The following TTLL5 variants were observed in gnomAD, a reference collection of about 807,000 sequenced individuals.
TTLL5 encodes tubulin tyrosine ligase like 5.
In TTLL5, 132 loss-of-function variants were observed where a neutral mutation model predicts 168.4. The ratio of observed to expected loss-of-function variants is 0.78; its 90% CI spans 0.68 to 0.91. TTLL5 has a LOEUF of 0.91. Among genes scored for constraint, TTLL5 ranks in the 40% least tolerant of loss-of-function variants. The probability of loss-of-function intolerance (pLI) is 0.00; values close to 1 mark genes in which losing one functional copy is unlikely to be tolerated. For synonymous variants in TTLL5, 546 were observed against 558.6 expected (o/e 0.98, Z 0.32); for missense variants, 1,545 against 1,581.5 (o/e 0.98, Z 0.39).
chr14:75,752,096 G>T (rs1889993255), intron 17 of TTLL5, among the ~76,000 whole-genome samples: 1 of 152,146 alleles, frequency 6.6e-6, no homozygotes, highest in Non-Finnish European at 1.5e-5. Context: ...CTGCCATCTT[G>T]GTTTTGGTGG....
chr14:75,779,549 G>T, intron 23 of TTLL5, 26 bp from the exon 24 acceptor site: 2 of 1,607,468 alleles, frequency 1.2e-6, no homozygotes, highest in South Asian at 2.2e-5. Flanking sequence ...CTTCCTGTCT[G>T]ACCATACTTT....
Position 75,766,081 on chromosome 14 carries a change from A to C in TTLL5, c.1728A>C (p.Glu576Asp). ...ATTTAGTGATTACCCAACCAGCTGA[A>C]ATGAATGTTAAAACTGAGACAGAGA... The part of the protein sequence containing the change: ...PKYPVITQPA[E>D]MNVKTETESE... Residue 576 changes from glutamate (E) to aspartate (D), a missense_variant, in exon 20 of 32, where the codon GAA (glutamate) becomes GAC (aspartate). By Grantham distance (45) the Glu-to-Asp change is conservative (BLOSUM62 2). Transcript: ENST00000298832. The C allele has an allele frequency of 1.2e-6, 2 of 1,612,012 alleles. No homozygotes were observed. The highest frequency in any genetic ancestry group is 1.7e-6 in the Non-Finnish European group (2 of 1,179,248).
chr14:75,669,606 T>A, intron 3 of TTLL5, 84 bp downstream of exon 3: 1 of 1,128,642 alleles, frequency 8.9e-7, no homozygotes, highest in Non-Finnish European at 1.2e-6. Context: ...GACATATATA[T>A]AGGGAAAGGG....
At chr14:75,794,321 G>A (rs1178777328) in intron 27 of TTLL5, among the ~76,000 whole-genome samples, 1 of 151,982 alleles carries the variant, frequency 6.6e-6, no homozygotes, top group Non-Finnish European at 1.5e-5. Flanking sequence ...TTAAATAAGT[G>A]GCTATGAGAC....
chr14:75,860,763 G>C (rs1331463071), intron 28 of TTLL5, among the ~76,000 whole-genome samples: 2 of 151,850 alleles, frequency 1.3e-5, no homozygotes, highest in African/African-American at 2.4e-5. Context: ...AGCTCACTCC[G>C]TTCCTTTAGC....
rs960362778 is a variant in TTLL5, at chr14:75,954,560, A to T, written c.*114A>T. On this transcript the variant is annotated 3_prime_UTR_variant, in exon 32 of 32. Transcript: ENST00000298832. ...AGTATTTTTTTTTTTGCTGCCTCAAAGTCCCCAAAGCCTTCGAGCAGAAGT... is the reference window on the plus strand; with the variant it reads ...AGTATTTTTTTTTTTGCTGCCTCAATGTCCCCAAAGCCTTCGAGCAGAAGT... The T allele has an allele frequency of 1.7e-6, 2 of 1,203,640 alleles. No homozygotes were observed. The highest frequency in any genetic ancestry group is 3.0e-5 in the African/African-American group (2 of 65,938). The allele number at this position is 1,203,640 out of a possible 1,614,324, so 74.6% of individuals were successfully genotyped here.
intron 7 of TTLL5, among the ~76,000 whole-genome samples, chr14:75,705,212 G>T (rs775665913): frequency 1.3e-5 from 2 of 152,228 alleles, no homozygotes; most frequent in Non-Finnish European, 2.9e-5. Context: ...TGATGTCATT[G>T]TGTTCCTATG....
Position 75,863,829 on chromosome 14 carries a change from G to A in TTLL5, c.3489G>A (p.Arg1163=). 1 of 1,585,192 alleles carries A rather than the reference G, an allele frequency of 6.3e-7. No individual in the cohort carries two copies. Among genetic ancestry groups the A allele is most frequent in the Non-Finnish European group, 8.6e-7 (1 of 1,166,042 alleles). The change falls in exon 29 of 32, where the codon CGG becomes CGA. Residue 1163 remains arginine, a synonymous_variant. Coordinates refer to ENST00000298832, the MANE Select transcript of TTLL5 (RefSeq NM_015072.5). The part of the protein sequence containing the change: ...QQLEQQKLQS[R]QLLDQSRARH... ...TTGAACAACAAAAACTTCAGTCCCG[G>A]CAGCTCCTGGACCAGAGTCGAGCCC...
At chr14:75,947,642 T>C (rs2034816573) in intron 31 of TTLL5, among the ~76,000 whole-genome samples, 1 of 152,188 alleles carries the variant, frequency 6.6e-6, no homozygotes, top group African/African-American at 2.4e-5. Flanking sequence ...GTAATGTTTC[T>C]GATAATAAGA....
Position 75,745,285 on chromosome 14 carries a change from C to T in TTLL5, c.1395+77C>T. 2.9e-6 allele frequency: 4 copies of T among 1,383,732 alleles called. No homozygotes were observed. In the South Asian group the frequency reaches 3.7e-5, roughly 13 times the overall value. 85.7% of individuals were successfully genotyped at this position (1,383,732 alleles called of 1,614,324 possible). On this transcript the variant is annotated intron_variant, in intron 16 of 31. Transcript: ENST00000298832. ...AAATTAGTGAGTGATTGATAATATT[C>T]ATGACAAACTCATGTCTTACATTGA...
chr14:75,808,955 T>TA (rs1893819140), intron 27 of TTLL5, among the ~76,000 whole-genome samples: 1 of 151,590 alleles, frequency 6.6e-6, no homozygotes, highest in Non-Finnish European at 1.5e-5. Context: ...TAGCTATACA[T>TA]ATCAGGATAT....
intron 18 of TTLL5, among the ~76,000 whole-genome samples, chr14:75,763,246 G>GCT (rs35399721): frequency 6.8e-6 from 1 of 147,132 alleles, no homozygotes. Flanking sequence ...TATTTCTATA[G>GCT]CTCTCTCTCT....
intron 27 of TTLL5, among the ~76,000 whole-genome samples, chr14:75,801,216 A>G (rs983147502): frequency 6.6e-6 from 1 of 151,720 alleles, no homozygotes; most frequent in African/African-American, 2.4e-5. Context: ...GCTGTGGGGG[A>G]TGGGGGTGTG....
Position 75,753,480 on chromosome 14 carries a change from T to C in TTLL5, c.1550+525T>C, listed in dbSNP as rs1422845851. 4.6e-5 allele frequency among the ~76,000 whole-genome samples: 7 copies of C among 152,312 alleles called. No homozygotes were observed. The South Asian group carries it at 6.2e-4, about 14-fold the overall frequency. ...CAGGGCTGCTTAGTCCCACATACTT[T>C]TGTAGCCCCTGAAACATAACTGCAT... On this transcript the variant is annotated intron_variant, in intron 18 of 31. Transcript: ENST00000298832.
intron 21 of TTLL5, among the ~76,000 whole-genome samples, chr14:75,773,988 A>C (rs1043666054): frequency 2.7e-5 from 4 of 148,266 alleles, no homozygotes; most frequent in Admixed American, 6.7e-5. Flanking sequence ...AGAGAGAGAG[A>C]GAGAGAGAGA....
At chr14:75,770,472 G>GTGAT (rs1200937181) in intron 20 of TTLL5, among the ~76,000 whole-genome samples, 1 of 152,196 alleles carries the variant, frequency 6.6e-6, no homozygotes, top group Non-Finnish European at 1.5e-5. Context: ...AAAGCATTCA[G>GTGAT]TGATTGCATT....
intron 28 of TTLL5, among the ~76,000 whole-genome samples, chr14:75,847,966 TG>T (rs1449261458): frequency 1.1e-5 from 1 of 93,888 alleles, no homozygotes; most frequent in African/African-American, 3.4e-5. Flanking sequence ...TTCTTCCCTT[TG>T]GTGCTGTTTT....
chr14:75,729,197 CTT>C (rs1888376908), intron 12 of TTLL5, among the ~76,000 whole-genome samples: 1 of 152,142 alleles, frequency 6.6e-6, no homozygotes, highest in Non-Finnish European at 1.5e-5. Context: ...TTTGAAAACA[CTT>C]GCTCTTCTGT....
rs1160280828 is a variant in TTLL5 at position 75,732,507 on chromosome 14, A to G, written c.1124+88A>G. On this transcript the variant is annotated intron_variant, in intron 13 of 31. Coordinates refer to ENST00000298832, the MANE Select transcript of TTLL5 (RefSeq NM_015072.5). ...TTTTTTGATCATTTCTCTTGGCACT[A>G]GAAGACTGTTTTTTTCCTAGTTATT... 35 of 1,156,506 alleles carry G rather than the reference A, an allele frequency of 3.0e-5. 1 individual carries two copies. In the Admixed American group the frequency reaches 3.5e-4, roughly 12 times the overall value. The allele number at this position is 1,156,506 out of a possible 1,614,324, so 71.6% of individuals were successfully genotyped here.
Sources: allele counts gnomAD v4.1 joint callset (sites outside exome capture counted in the v4.1 genomes callset), GRCh38; gene constraint gnomAD v4.1.1; transcripts MANE v1.5; gene names NCBI Gene and HGNC (gene_info 2026-07-23, HGNC 2026-07-21).